The following LRIF1 variants were observed in gnomAD, a reference collection of about 807,000 sequenced individuals.
LRIF1 encodes the protein ligand-dependent nuclear receptor-interacting factor 1.
LRIF1 carries 32 observed loss-of-function variants against 52.7 expected under a neutral mutation model. The observed-to-expected ratio is 0.61, with a 90% confidence interval of 0.46 to 0.82. LRIF1 has a LOEUF of 0.82. Among genes scored for constraint, LRIF1 ranks in the 40% least tolerant of loss-of-function variants. The pLI is 0.00. For synonymous variants in LRIF1, 323 were observed against 317.4 expected (o/e 1.02, Z -0.19); for missense variants, 887 against 892.0 (o/e 0.99, Z 0.07).
the LRIF1 span, among the ~76,000 whole-genome samples, chr1:110,898,183 C>G: frequency 3.3e-5 from 5 of 152,026 alleles, no homozygotes; most frequent in East Asian, 1.9e-4. Flanking sequence ...CAAGACCATC[C>G]TGGCTAACAT....
At chr1:110,935,686 T>C in the LRIF1 span, among the ~76,000 whole-genome samples, 1 of 151,984 alleles carries the variant, frequency 6.6e-6, no homozygotes, top group South Asian at 2.1e-4. Flanking sequence ...CAATAAAGCA[T>C]ACCTACAGGA....
At chr1:110,878,805 G>T in the LRIF1 span, among the ~76,000 whole-genome samples, 67,485 of 151,974 alleles carry the variant, frequency 0.44, 16,616 homozygotes, top group East Asian at 0.6. Flanking sequence ...TCTTAACAGA[G>T]TTCAGTGGAG....
At chr1:110,933,548 G>C in the LRIF1 span, among the ~76,000 whole-genome samples, 3 of 152,276 alleles carry the variant, frequency 2.0e-5, no homozygotes, top group Admixed American at 2.0e-4. Flanking sequence ...GCTGAGGAGG[G>C]AGAGCACAGC....
At chr1:110,913,905 C>G in the LRIF1 span, among the ~76,000 whole-genome samples, 1 of 152,106 alleles carries the variant, frequency 6.6e-6, no homozygotes, top group African/African-American at 2.4e-5. Context: ...TGCCCATCAA[C>G]AGTGGACTAG....
the LRIF1 span, among the ~76,000 whole-genome samples, chr1:110,901,331 C>T: frequency 6.6e-6 from 1 of 152,016 alleles, no homozygotes; most frequent in Non-Finnish European, 1.5e-5. Flanking sequence ...GCACACGCCA[C>T]CACGCCTGGC....
At chr1:110,902,884 A>G in the LRIF1 span, among the ~76,000 whole-genome samples, 2 of 152,142 alleles carry the variant, frequency 1.3e-5, no homozygotes, top group Non-Finnish European at 2.9e-5. Context: ...CATGCTGGAG[A>G]GGTGAGTAAA....
At chr1:110,927,172 G>T in the LRIF1 span, among the ~76,000 whole-genome samples, 1 of 152,068 alleles carries the variant, frequency 6.6e-6, no homozygotes, top group Non-Finnish European at 1.5e-5. Flanking sequence ...GAAATTATGC[G>T]ATAATTTCTT....
the LRIF1 span, among the ~76,000 whole-genome samples, chr1:110,900,320 A>G: frequency 6.6e-6 from 1 of 152,156 alleles, no homozygotes; most frequent in Non-Finnish European, 1.5e-5. Flanking sequence ...GACATCCAAG[A>G]AAGGGCATGA....
chr1:110,881,644 A>C, the LRIF1 span, among the ~76,000 whole-genome samples: 1 of 152,232 alleles, frequency 6.6e-6, no homozygotes, highest in Admixed American at 6.5e-5. Context: ...TGGCTGGATC[A>C]TATGATAAGT....
chr1:110,925,726 A>C, the LRIF1 span, among the ~76,000 whole-genome samples: 1 of 152,188 alleles, frequency 6.6e-6, no homozygotes, highest in East Asian at 1.9e-4. Context: ...ATATGTAGAA[A>C]ATCCAAAACA....
chr1:110,887,599 C>T, the LRIF1 span, among the ~76,000 whole-genome samples: 97,381 of 152,026 alleles, frequency 0.64, 33,222 homozygotes, highest in Non-Finnish European at 0.77. Context: ...TGTTTAATAT[C>T]TTGGGCCCTT....
the LRIF1 span, among the ~76,000 whole-genome samples, chr1:110,917,899 C>A: frequency 6.6e-6 from 1 of 152,036 alleles, no homozygotes. Context: ...TGTTCAGCAA[C>A]ATATAAATGG....
the LRIF1 span, among the ~76,000 whole-genome samples, chr1:110,915,519 T>TAAA: frequency 1.0e-5 from 1 of 96,776 alleles, no homozygotes; most frequent in Admixed American, 9.8e-5. Context: ...ATAAATAAAT[T>TAAA]TACTTACTAT....
At position 110,952,136 on chromosome 1, in the gene LRIF1, A is replaced by G; in HGVS notation, c.748T>C (p.Tyr250His). 2 of 1,614,152 alleles carry G rather than the reference A, an allele frequency of 1.2e-6. No homozygotes were observed. The highest frequency in any genetic ancestry group is 1.7e-6 in the Non-Finnish European group (2 of 1,179,994). The change falls in exon 2 of 4, where the codon TAC becomes CAC. Residue 250 changes from tyrosine (Y) to histidine (H), a missense_variant. Physicochemically the swap from Tyr to His is moderately conservative, Grantham distance 83. Transcript: ENST00000369763. ...GCTATTTCTGTAACAGGTTTTGGGT[A>G]AATGTTTTGAAAGTTCTTGGTAACT... ...NVVTKNFQNI[Y>H]PKPVTEIAKP...
chr1:110,936,479 T>C, the LRIF1 span: 1 of 152,162 alleles, frequency 6.6e-6, no homozygotes, highest in Admixed American at 6.5e-5. Flanking sequence ...TTATTAGCTT[T>C]GTTTTTGCTT....
downstream of LRIF1, among the ~76,000 whole-genome samples, chr1:110,946,055 A>T (rs1658197077): frequency 1.3e-5 from 2 of 152,236 alleles, no homozygotes; most frequent in Admixed American, 1.3e-4. Context: ...ACAAATATAC[A>T]CAGCAACATT....
chr1:110,953,778 C>T (rs185457724), intron 1 of LRIF1, among the ~76,000 whole-genome samples: 21 of 152,274 alleles, frequency 1.4e-4, no homozygotes, highest in African/African-American at 2.2e-4. Flanking sequence ...TACCTAGGTA[C>T]GCCTCACCCA....
intron 3 of LRIF1, 147 bp downstream of exon 3, chr1:110,949,704 A>T: frequency 1.1e-6 from 1 of 907,530 alleles, no homozygotes; most frequent in Non-Finnish European, 1.6e-6. Flanking sequence ...TGGTTGTTTT[A>T]AATATCATTT....
At chr1:110,932,766 C>A in the LRIF1 span, among the ~76,000 whole-genome samples, 1 of 152,052 alleles carries the variant, frequency 6.6e-6, no homozygotes, top group Non-Finnish European at 1.5e-5. Context: ...GAACTTTTGC[C>A]CACTCATTTT....
Sources: gnomAD v4.1 joint callset for allele counts (sites outside exome capture counted in the v4.1 genomes callset) on GRCh38, gnomAD v4.1.1 for gene constraint, MANE v1.5 for transcripts, NCBI Gene and HGNC (gene_info 2026-07-23, HGNC 2026-07-21) for gene names.